Variants in RAPH1 observed in about 807,000 individuals in gnomAD.
The protein encoded by RAPH1 is Ras association (RalGDS/AF-6) and pleckstrin homology domains 1.
In RAPH1, 18 loss-of-function variants were observed where a neutral mutation model predicts 88.1. The ratio of observed to expected loss-of-function variants is 0.20; its 90% CI spans 0.14 to 0.30. The LOEUF is 0.30. Ranked by LOEUF, RAPH1 falls within the 10% of genes least tolerant of loss-of-function variation. The probability of loss-of-function intolerance (pLI) is 1.00; values close to 1 mark genes in which losing one functional copy is unlikely to be tolerated. For missense variants in RAPH1, 1,448 were observed against 1,543.2 expected, an observed-to-expected ratio of 0.94 and a Z score of 1.03; for synonymous variants, 587 against 559.0, an observed-to-expected ratio of 1.05 and a Z score of -0.71.
At chr2:203,459,882 A>AC in intron 7 of RAPH1, 25 bp downstream of exon 7, 1 of 1,603,328 alleles carries the variant, frequency 6.2e-7, no homozygotes, top group South Asian at 1.1e-5. Flanking sequence ...ACAAATCCTG[A>AC]CCTCTGTAAG....
intron 7 of RAPH1, among the ~76,000 whole-genome samples, chr2:203,458,753 CTTCTTT>C (rs990468843): frequency 9.9e-5 from 15 of 151,044 alleles, no homozygotes; most frequent in South Asian, 4.2e-4. Context: ...GCTGACTGTA[CTTCTTT>C]TTCTTTTTCT....
intron 1 of RAPH1, among the ~76,000 whole-genome samples, chr2:203,518,709 A>T (rs78920449): frequency 0.036 from 5,515 of 152,044 alleles, 320 homozygotes; most frequent in African/African-American, 0.12. Flanking sequence ...TTAGCTGAGT[A>T]TGATAGCATG....
At position 203,472,127 on chromosome 2, in the gene RAPH1, CTTTTTTT is replaced by C. The variant is rs531692694; in HGVS notation, c.733-10209_733-10203del. Among the ~76,000 whole-genome samples the C allele has an allele frequency of 2.8e-5, 4 of 140,718 alleles. No individual in the cohort carries two copies. The South Asian group carries it at 9.1e-4, about 32-fold the overall frequency. The allele number at this position is 140,718 out of a possible 152,430, so 92.3% of individuals were successfully genotyped here. On this transcript the variant is annotated intron_variant, in intron 4 of 13. Transcript: ENST00000319170. ...TAGCCATTCTTTGGTTTCTTTAGTT[CTTTTTTT>C]TTTTTTTTATTTTTTTGAGACAGAG... is the stretch of plus-strand genomic sequence containing the variant.
chr2:203,506,036 G>A (rs1205872036), intron 1 of RAPH1, among the ~76,000 whole-genome samples: 3 of 152,132 alleles, frequency 2.0e-5, no homozygotes, highest in African/African-American at 7.2e-5. Flanking sequence ...CCTCACGAGG[G>A]AGGCAGCAGT....
At chr2:203,470,873 A>AAT (rs781533857) in intron 4 of RAPH1, among the ~76,000 whole-genome samples, 3 of 152,242 alleles carry the variant, frequency 2.0e-5, no homozygotes, top group Non-Finnish European at 4.4e-5. Context: ...AAACTTTATT[A>AAT]ACCCACTCAT....
intron 1 of RAPH1, among the ~76,000 whole-genome samples, chr2:203,517,953 A>C (rs1451485892): frequency 6.6e-6 from 1 of 152,186 alleles, no homozygotes; most frequent in African/African-American, 2.4e-5. Context: ...TACCTTAGAA[A>C]TCTAGAACAA....
Position 203,474,168 on chromosome 2 carries a change from G to A in RAPH1, c.733-12243C>T, listed in dbSNP as rs2098535435. Among the ~76,000 whole-genome samples the A allele has an allele frequency of 5.9e-5, 9 of 152,318 alleles. No individual in the cohort carries two copies. In the South Asian group the frequency reaches 1.9e-3, roughly 32 times the overall value. On this transcript the variant is annotated intron_variant, in intron 4 of 13. Transcript: ENST00000319170. ...GTGAGGGAGTGTGGCAGGGTAGAAA[G>A]AGGGCAAAGGGATATTTGAGACCAG... is the stretch of plus-strand genomic sequence containing the variant.
chr2:203,528,782 T>G (rs1169661084), intron 1 of RAPH1, among the ~76,000 whole-genome samples: 1 of 151,870 alleles, frequency 6.6e-6, no homozygotes, highest in Non-Finnish European at 1.5e-5. Context: ...TATTCACAGA[T>G]AAGTAGGATC....
chr2:203,489,679 T>C lies in RAPH1; in HGVS notation c.637A>G (p.Thr213Ala). The C allele has an allele frequency of 6.2e-7, 1 of 1,614,162 alleles. No individual in the cohort carries two copies. The highest frequency in any genetic ancestry group is 8.5e-7 in the Non-Finnish European group (1 of 1,180,022). The change falls in exon 4 of 14, where the codon ACT becomes GCT. Residue 213 changes from threonine (T) to alanine (A), a missense_variant. By Grantham distance (58) the Thr-to-Ala change is moderately conservative. Coordinates refer to ENST00000319170, the MANE Select transcript of RAPH1 (RefSeq NM_213589.3). ...GAGTCCATGCTGGAGGCTGCGGAAG[T>C]GATGCTGGAATGGGAGGAATTACTA... ...SISNSSHSSI[T>A]SAASSMDSLD... is the part of the protein sequence containing the mutation.
intron 1 of RAPH1, among the ~76,000 whole-genome samples, chr2:203,508,450 C>G (rs1450348483): frequency 6.6e-6 from 1 of 152,030 alleles, no homozygotes; most frequent in South Asian, 2.1e-4. Flanking sequence ...TGTTTATATT[C>G]TTCTTACAAC....
intron 4 of RAPH1, among the ~76,000 whole-genome samples, chr2:203,488,401 C>A (rs931573813): frequency 6.6e-5 from 10 of 151,350 alleles, no homozygotes; most frequent in Admixed American, 6.6e-4. Flanking sequence ...CCAGCCTGGC[C>A]AGCATGGTGA....
At chr2:203,516,152 A>C (rs1017770667) in intron 1 of RAPH1, among the ~76,000 whole-genome samples, 3 of 152,214 alleles carry the variant, frequency 2.0e-5, no homozygotes, top group Non-Finnish European at 4.4e-5. Flanking sequence ...TAAGGTACTC[A>C]CATTACACCC....
intron 1 of RAPH1, among the ~76,000 whole-genome samples, chr2:203,521,515 A>G (rs979236906): frequency 1.3e-5 from 2 of 152,206 alleles, no homozygotes; most frequent in African/African-American, 4.8e-5. Flanking sequence ...TTTTCATTGT[A>G]TACATTACAC....
At chr2:203,458,464 C>T (rs1234554934) in intron 7 of RAPH1, among the ~76,000 whole-genome samples, 2 of 152,158 alleles carry the variant, frequency 1.3e-5, no homozygotes, top group African/African-American at 4.8e-5. Flanking sequence ...TAGGATCTCC[C>T]CTGTATACCA....
At chr2:203,503,734 C>G (rs1051397861) in intron 1 of RAPH1, among the ~76,000 whole-genome samples, 1 of 152,192 alleles carries the variant, frequency 6.6e-6, no homozygotes, top group African/African-American at 2.4e-5. Context: ...TGAGACAAGG[C>G]AAGTCCCTTC....
intron 1 of RAPH1, among the ~76,000 whole-genome samples, chr2:203,503,249 A>G (rs1364932170): frequency 6.6e-6 from 1 of 152,176 alleles, no homozygotes; most frequent in Non-Finnish European, 1.5e-5. Flanking sequence ...GGATATTCTT[A>G]ATCTATTAAA....
chr2:203,530,039 C>G (rs1690321056), intron 1 of RAPH1, among the ~76,000 whole-genome samples: 1 of 152,192 alleles, frequency 6.6e-6, no homozygotes, highest in Admixed American at 6.5e-5. Flanking sequence ...ATGCCTAGCT[C>G]TGCTTAGAGC....
Position 203,506,881 on chromosome 2 carries a change from GAT to G in RAPH1, c.1-11530_1-11529del, listed in dbSNP as rs1206268313. ...CTATATATATATATATATATATATAGATATATATATATATATATTTTTTTTTT... is the reference window on the plus strand; with the variant it reads ...CTATATATATATATATATATATATAGATATATATATATATATTTTTTTTTT... On this transcript the variant is annotated intron_variant, in intron 1 of 13. Transcript: ENST00000319170. 4.9e-4 allele frequency among the ~76,000 whole-genome samples: 15 copies of G among 30,348 alleles called. 2 individuals are homozygous for G. Among genetic ancestry groups the G allele is most frequent in the African/African-American group, 1.5e-3 (9 of 6,018 alleles). The allele number at this position is 30,348 out of a possible 152,430, so 19.9% of individuals were successfully genotyped here.
At chr2:203,445,080 T>C in intron 12 of RAPH1, 70 bp from the exon 13 acceptor site, 1 of 1,402,818 alleles carries the variant, frequency 7.1e-7, no homozygotes, top group Non-Finnish European at 9.9e-7. Context: ...TATGTATGTC[T>C]AGTTAGATCT....
Sources: allele counts gnomAD v4.1 joint callset (sites outside exome capture counted in the v4.1 genomes callset), GRCh38; gene constraint gnomAD v4.1.1; transcripts MANE v1.5; gene names NCBI Gene and HGNC (gene_info 2026-07-23, HGNC 2026-07-21).